Variants in CAB39L observed in about 807,000 individuals in gnomAD.
The protein encoded by CAB39L is calcium-binding protein 39-like.
Under a neutral mutation model 39.1 loss-of-function variants are expected in CAB39L, and 23 were observed. The observed-to-expected ratio is 0.59, with a 90% confidence interval of 0.42 to 0.83. CAB39L has a LOEUF of 0.83. CAB39L is among the 40% of genes least tolerant of loss of function. CAB39L has a pLI of 0.00. For synonymous variants in CAB39L, 126 were observed against 137.2 expected (o/e 0.92, Z 0.57); for missense variants, 366 against 391.9 (o/e 0.93, Z 0.56).
chr13:49,344,319 AT>A (rs761392303), intron 7 of CAB39L, 81 bp from the exon 8 acceptor site: 128 of 788,994 alleles, frequency 1.6e-4, no homozygotes, highest in Admixed American at 5.6e-4. Context: ...GTTTAAGAAC[AT>A]ATAAAAGTTG....
chr13:49,344,346 A>T, intron 7 of CAB39L, 108 bp from the exon 8 acceptor site: 1 of 642,408 alleles, frequency 1.6e-6, no homozygotes, highest in Non-Finnish European at 2.7e-6. Flanking sequence ...GAACATTTTC[A>T]TTTGCGCCAC....
At chr13:49,429,354 A>G (rs2138728029) in intron 3 of CAB39L, among the ~76,000 whole-genome samples, 1 of 152,312 alleles carries the variant, frequency 6.6e-6, no homozygotes, top group Non-Finnish European at 1.5e-5. Context: ...CAGCCTCTCA[A>G]ATAGCTGAAA....
chr13:49,427,965 C>T (rs1957268528), intron 3 of CAB39L, among the ~76,000 whole-genome samples: 1 of 152,084 alleles, frequency 6.6e-6, no homozygotes, highest in African/African-American at 2.4e-5. Context: ...ACAGCTACAC[C>T]CTAATGACTT....
chr13:49,388,016 G>A (rs1182233957), intron 3 of CAB39L, among the ~76,000 whole-genome samples: 2 of 152,114 alleles, frequency 1.3e-5, no homozygotes, highest in Admixed American at 6.6e-5. Context: ...AGCCTCAAAG[G>A]GCTCACGATG....
At chr13:49,398,024 C>T (rs1956679054) in intron 3 of CAB39L, among the ~76,000 whole-genome samples, 1 of 152,002 alleles carries the variant, frequency 6.6e-6, no homozygotes, top group Non-Finnish European at 1.5e-5. Flanking sequence ...CTTCAGTAAG[C>T]CCTGTGCCTG....
At chr13:49,411,969 T>C (rs1956999285) in intron 3 of CAB39L, among the ~76,000 whole-genome samples, 1 of 152,166 alleles carries the variant, frequency 6.6e-6, no homozygotes, top group Non-Finnish European at 1.5e-5. Context: ...CAGTTGGTTC[T>C]CTTGCCTAGC....
At chr13:49,317,244 C>T (rs1387259608) in intron 10 of CAB39L, among the ~76,000 whole-genome samples, 5 of 152,106 alleles carry the variant, frequency 3.3e-5, no homozygotes, top group East Asian at 1.9e-4. Context: ...ACACTCAACA[C>T]GGAGGCTGGG....
In CAB39L at chr13:49,346,122, T is replaced by TATATATATATATATATA. The variant is rs1566079395; in HGVS notation, c.565-1885_565-1884insTATATATATATATATAT. Among the ~76,000 whole-genome samples the TATATATATATATATATA allele has an allele frequency of 2.5e-5, 3 of 118,874 alleles. 1 individual carries two copies. The East Asian group carries it at 8.5e-4, about 34-fold the overall frequency. The allele number at this position is 118,874 out of a possible 152,430, so 78.0% of individuals were successfully genotyped here. A position where few individuals can be genotyped will look rare whatever the true frequency, so the allele number is the denominator to read the frequency against. ...CTAGATATATATATATATATATATA[T>TATATATATATATATATA]ATCATGGATACAGCCAATAAACAAT... On this transcript the variant is annotated intron_variant, in intron 7 of 10. Coordinates refer to ENST00000409308, the MANE Select transcript of CAB39L (RefSeq NM_001079670.3).
chr13:49,344,730 G>T (rs1260179550), intron 7 of CAB39L, among the ~76,000 whole-genome samples: 3 of 152,036 alleles, frequency 2.0e-5, no homozygotes, highest in Non-Finnish European at 4.4e-5. Flanking sequence ...CACCGTGTTA[G>T]CCAGGATGGT....
intron 10 of CAB39L, among the ~76,000 whole-genome samples, chr13:49,312,586 T>C (rs1954027591): frequency 6.6e-6 from 1 of 152,188 alleles, no homozygotes; most frequent in Non-Finnish European, 1.5e-5. Flanking sequence ...TCTGCGTAAA[T>C]GCACTCTGTG....
At chr13:49,391,954 C>T (rs969629219) in intron 3 of CAB39L, among the ~76,000 whole-genome samples, 2 of 152,000 alleles carry the variant, frequency 1.3e-5, no homozygotes, top group Non-Finnish European at 2.9e-5. Context: ...GGTTCACACA[C>T]ACACACACAC....
intron 10 of CAB39L, among the ~76,000 whole-genome samples, chr13:49,313,305 T>C (rs575459114): frequency 1.9e-4 from 29 of 151,812 alleles, no homozygotes; most frequent in East Asian, 5.8e-4. Context: ...CACGGTGAAA[T>C]CCCATCTCTA....
intron 3 of CAB39L, among the ~76,000 whole-genome samples, chr13:49,419,808 G>C (rs1957144291): frequency 6.6e-6 from 1 of 152,048 alleles, no homozygotes; most frequent in Non-Finnish European, 1.5e-5. Context: ...CGCCAAATCT[G>C]AACAAAGAGC....
chr13:49,359,532 C>A (rs1378050306), intron 6 of CAB39L, among the ~76,000 whole-genome samples, 182 bp downstream of exon 6: 1 of 152,108 alleles, frequency 6.6e-6, no homozygotes, highest in Non-Finnish European at 1.5e-5. Flanking sequence ...CATTAAGGTG[C>A]AAAGAAAGGA....
intron 10 of CAB39L, among the ~76,000 whole-genome samples, chr13:49,316,696 C>T (rs1027260384): frequency 1.3e-5 from 2 of 152,216 alleles, no homozygotes; most frequent in African/African-American, 4.8e-5. Context: ...TGTAACACAT[C>T]ACATGTACTG....
chr13:49,442,814 A>AC (rs1957560810), intron 1 of CAB39L, among the ~76,000 whole-genome samples: 1 of 150,040 alleles, frequency 6.7e-6, no homozygotes, highest in Non-Finnish European at 1.5e-5. Context: ...AAAAAAAAAA[A>AC]AAAAACATCA....
At chr13:49,319,589 G>A (rs1954288632) in intron 10 of CAB39L, among the ~76,000 whole-genome samples, 1 of 146,882 alleles carries the variant, frequency 6.8e-6, no homozygotes, top group Non-Finnish European at 1.5e-5. Context: ...GGTTAATGCT[G>A]AATTTTATGT....
intron 3 of CAB39L, among the ~76,000 whole-genome samples, chr13:49,403,576 T>C (rs989010190): frequency 6.6e-6 from 1 of 152,088 alleles, no homozygotes; most frequent in Non-Finnish European, 1.5e-5. Flanking sequence ...ATTAAAAATA[T>C]CTTCCATAGG....
At chr13:49,333,568 CTTTT>C (rs796079933) in intron 9 of CAB39L, among the ~76,000 whole-genome samples, 6 of 111,854 alleles carry the variant, frequency 5.4e-5, no homozygotes, top group Non-Finnish European at 7.1e-5. Context: ...TTCTTTCTTT[CTTTT>C]TTTTTTTTTT....
Sources: allele counts gnomAD v4.1 joint callset (sites outside exome capture counted in the v4.1 genomes callset), GRCh38; gene constraint gnomAD v4.1.1; transcripts MANE v1.5; gene names NCBI Gene and HGNC (gene_info 2026-07-23, HGNC 2026-07-21).